The following DPP6 variants were observed in gnomAD, a reference collection of about 807,000 sequenced individuals.
DPP6 encodes the protein dipeptidyl peptidase like 6.
DPP6 carries 69 observed loss-of-function variants against 122.6 expected under a neutral mutation model. That is an observed-to-expected ratio of 0.56 (90% CI 0.46 to 0.69). The LOEUF (loss-of-function observed/expected upper bound fraction) is 0.69. Ranked by LOEUF, DPP6 falls within the 30% of genes least tolerant of loss-of-function variation. DPP6 has a pLI of 0.00. For synonymous variants in DPP6, 418 were observed against 433.1 expected (o/e 0.97, Z 0.43); for missense variants, 928 against 1,116.9 (o/e 0.83, Z 2.41).
At chr7:153,967,473 G>A (rs992634747) in intron 1 of DPP6, among the ~76,000 whole-genome samples, 17 of 152,196 alleles carry the variant, frequency 1.1e-4, no homozygotes, top group African/African-American at 2.9e-4. Flanking sequence ...CAACAACTCC[G>A]TAGAATTACC....
chr7:154,061,786 C>T (rs1410562421), intron 1 of DPP6, among the ~76,000 whole-genome samples: 2 of 120,754 alleles, frequency 1.7e-5, no homozygotes, highest in African/African-American at 6.5e-5. Flanking sequence ...GGGAGGGAGG[C>T]ACCCCTCGCG....
At chr7:154,830,380 CG>C (rs1563258815) in intron 16 of DPP6, among the ~76,000 whole-genome samples, 1 of 152,076 alleles carries the variant, frequency 6.6e-6, no homozygotes, top group Non-Finnish European at 1.5e-5. Flanking sequence ...GGGGCCATGC[CG>C]GGGGCAGTTT....
intron 1 of DPP6, among the ~76,000 whole-genome samples, chr7:154,377,358 G>A (rs953328976): frequency 2.0e-5 from 3 of 152,094 alleles, no homozygotes; most frequent in African/African-American, 4.8e-5. Flanking sequence ...CACACAGAGC[G>A]GTAGGAAATG....
At position 154,885,375 on chromosome 7, in the gene DPP6, G is replaced by A. The variant is rs75942666; in HGVS notation, c.2134-258G>A. ...TCCACACTTGCCTTTCCAATTCGCC[G>A]TTGCATTTCATCCTCACGTCCCTTG... On this transcript the variant is annotated intron_variant, in intron 21 of 25. Coordinates refer to ENST00000377770, the MANE Select transcript of DPP6 (RefSeq NM_130797.4). 14,111 of 451,320 alleles carry A rather than the reference G, an allele frequency of 0.031. 816 individuals are homozygous for A. The highest frequency in any genetic ancestry group is 0.18 in the Admixed American group (5,042 of 27,896). The allele number at this position is 451,320 out of a possible 1,614,324, so 28.0% of individuals were successfully genotyped here.
chr7:154,684,696 C>T (rs1253885149), intron 7 of DPP6, among the ~76,000 whole-genome samples: 1 of 152,130 alleles, frequency 6.6e-6, no homozygotes, highest in Non-Finnish European at 1.5e-5. Flanking sequence ...TTCTAGTTAC[C>T]CTTCAGATAA....
the DPP6 span, among the ~76,000 whole-genome samples, chr7:153,843,195 T>TACACACACGTGCAC: frequency 2.0e-5 from 3 of 150,116 alleles, no homozygotes; most frequent in East Asian, 2.0e-4. Context: ...CACGCGTGCA[T>TACACACACGTGCAC]ACACACACGT....
chr7:154,786,932 A>G (rs1002936801), intron 10 of DPP6, among the ~76,000 whole-genome samples: 1 of 152,184 alleles, frequency 6.6e-6, no homozygotes, highest in Non-Finnish European at 1.5e-5. Context: ...CAGCTCTGCA[A>G]GTGTCCAGGT....
chr7:154,575,461 C>T (rs1306842948), intron 5 of DPP6, among the ~76,000 whole-genome samples: 74 of 2,402 alleles, frequency 0.031, no homozygotes, highest in African/African-American at 0.11. Context: ...TGTGTGTGNG[C>T]GGGTGTATGT....
intron 5 of DPP6, among the ~76,000 whole-genome samples, chr7:154,628,447 C>G (rs544530849): frequency 5.9e-5 from 9 of 152,176 alleles, no homozygotes; most frequent in Non-Finnish European, 1.2e-4. Context: ...TGTTTCCAGA[C>G]TCAGCCAACC....
chr7:154,452,529 C>CT (rs1357518998), intron 2 of DPP6, among the ~76,000 whole-genome samples: 1 of 152,144 alleles, frequency 6.6e-6, no homozygotes, highest in Admixed American at 6.5e-5. Context: ...GTAATATGTG[C>CT]TTTTTTAAAA....
chr7:154,318,799 C>T (rs1432995712), intron 1 of DPP6, among the ~76,000 whole-genome samples: 1 of 151,392 alleles, frequency 6.6e-6, no homozygotes, highest in Non-Finnish European at 1.5e-5. Flanking sequence ...CTATACCCCA[C>T]CCCCCCCAAG....
chr7:154,160,028 G>A (rs952812100), intron 1 of DPP6, among the ~76,000 whole-genome samples: 1 of 152,170 alleles, frequency 6.6e-6, no homozygotes, highest in Non-Finnish European at 1.5e-5. Flanking sequence ...AGGATCCCTT[G>A]ATCCCAGCAG....
intron 6 of DPP6, among the ~76,000 whole-genome samples, chr7:154,641,728 A>G (rs1836106219): frequency 6.6e-6 from 1 of 152,232 alleles, no homozygotes; most frequent in African/African-American, 2.4e-5. Flanking sequence ...TCTGAAAGAC[A>G]TATGGACTTT....
chr7:154,371,920 A>G (rs2075134), intron 1 of DPP6, among the ~76,000 whole-genome samples: 79,038 of 151,988 alleles, frequency 0.52, 23,825 homozygotes, highest in East Asian at 0.71. Context: ...GGGAAGCCAG[A>G]GGGGCCGTCG....
At chr7:154,596,289 C>A (rs563915971) in intron 5 of DPP6, among the ~76,000 whole-genome samples, 2 of 152,166 alleles carry the variant, frequency 1.3e-5, no homozygotes, top group Non-Finnish European at 2.9e-5. Flanking sequence ...GCTTTCATTG[C>A]AAAATGCAGT....
chr7:153,899,199 C>CCTCCTCCTCCTCCTT (rs1442982190), intron 1 of DPP6, among the ~76,000 whole-genome samples: 9 of 151,552 alleles, frequency 5.9e-5, no homozygotes, highest in Non-Finnish European at 1.2e-4. Flanking sequence ...TCCTTCTCCT[C>CCTCCTCCTCCTCCTT]CTCCTCCTCC....
intron 5 of DPP6, among the ~76,000 whole-genome samples, chr7:154,619,213 C>T (rs116674974): frequency 2.0e-5 from 3 of 152,112 alleles, no homozygotes; most frequent in South Asian, 2.1e-4. Flanking sequence ...CAGACTAATA[C>T]GCACATACCA....
At chr7:154,116,557 T>G (rs1807000292) in intron 1 of DPP6, among the ~76,000 whole-genome samples, 1 of 152,232 alleles carries the variant, frequency 6.6e-6, no homozygotes, top group Non-Finnish European at 1.5e-5. Context: ...AAGTATTTGG[T>G]CTTTAATAAA....
rs1161081029 is a variant in DPP6 at position 154,062,111 on chromosome 7, C to A, written c.243+9048C>A. On this transcript the variant is annotated intron_variant, in intron 1 of 25. Coordinates refer to ENST00000377770, the MANE Select transcript of DPP6 (RefSeq NM_130797.4). ...CCCCCATCGCAGAGGGGGGACGCAC[C>A]CCCCGCGAGGCGGGGACTGAGAGCC... 5.7e-5 allele frequency among the ~76,000 whole-genome samples: 6 copies of A among 104,712 alleles called. 1 individual carries two copies. The highest frequency in any genetic ancestry group is 1.0e-4 in the Non-Finnish European group (5 of 47,882). 68.7% of individuals were successfully genotyped at this position (104,712 alleles called of 152,430 possible).
Sources: allele counts gnomAD v4.1 joint callset (sites outside exome capture counted in the v4.1 genomes callset), GRCh38; gene constraint gnomAD v4.1.1; transcripts MANE v1.5; gene names NCBI Gene and HGNC (gene_info 2026-07-23, HGNC 2026-07-21).